Variants in CDIN1 observed in about 807,000 individuals in gnomAD.
CDIN1 encodes the protein CDAN1-interacting nuclease 1.
A neutral mutation model predicts 45.3 loss-of-function variants in CDIN1; 33 were observed. The observed-to-expected ratio is 0.73, with a 90% CI of 0.55 to 0.97. The LOEUF is 0.97. Among genes scored for constraint, CDIN1 ranks in the 50% least tolerant of loss-of-function variants. CDIN1 has a pLI of 0.00. For synonymous variants in CDIN1, 118 were observed against 124.4 expected (o/e 0.95, Z 0.34); for missense variants, 303 against 339.4 (o/e 0.89, Z 0.84).
chr15:36,740,595 A>G (rs1268247475), intron 10 of CDIN1, among the ~76,000 whole-genome samples: 4 of 152,158 alleles, frequency 2.6e-5, no homozygotes, highest in African/African-American at 9.7e-5. Context: ...GCTGAATATC[A>G]AAATTTTTAT....
chr15:36,656,983 A>T (rs2040809428), intron 4 of CDIN1, among the ~76,000 whole-genome samples: 1 of 152,192 alleles, frequency 6.6e-6, no homozygotes, highest in South Asian at 2.1e-4. Context: ...TATTGTTCTT[A>T]AAAATGTGTG....
intron 8 of CDIN1, chr15:36,701,930 C>T: frequency 4.9e-6 from 3 of 613,600 alleles, no homozygotes; most frequent in Non-Finnish European, 8.8e-6. Flanking sequence ...AGTTCATCTG[C>T]CCCTGCTGCT....
At chr15:36,585,785 TTG>T (rs1303365035) in intron 1 of CDIN1, among the ~76,000 whole-genome samples, 1 of 152,194 alleles carries the variant, frequency 6.6e-6, no homozygotes, top group Non-Finnish European at 1.5e-5. Flanking sequence ...GAAAATAATT[TTG>T]TGATATATGA....
intron 1 of CDIN1, among the ~76,000 whole-genome samples, chr15:36,620,088 T>A (rs1205875293): frequency 6.6e-6 from 1 of 152,072 alleles, no homozygotes; most frequent in East Asian, 1.9e-4. Context: ...GCGGTGGCTC[T>A]CGCCTGTAAT....
intron 1 of CDIN1, among the ~76,000 whole-genome samples, chr15:36,594,203 T>G (rs1415266984): frequency 6.6e-6 from 1 of 152,218 alleles, no homozygotes; most frequent in African/African-American, 2.4e-5. Flanking sequence ...TTAGACCTAC[T>G]TCAGTTAAAC....
At chr15:36,754,197 A>G (rs1302238855) in intron 10 of CDIN1, among the ~76,000 whole-genome samples, 1 of 152,156 alleles carries the variant, frequency 6.6e-6, no homozygotes, top group African/African-American at 2.4e-5. Flanking sequence ...ACCAGTCTTC[A>G]TAATGGAGGT....
In CDIN1 at chr15:36,709,346, AT is replaced by A. The variant is rs948905076; in HGVS notation, c.610+65del. The A allele has an allele frequency of 8.3e-6, 11 of 1,327,586 alleles. No homozygotes were observed. In the African/African-American group the frequency reaches 1.2e-4, roughly 14 times the overall value. The allele number at this position is 1,327,586 out of a possible 1,614,324, so 82.2% of individuals were successfully genotyped here. On this transcript the variant is annotated intron_variant, in intron 9 of 10. Transcript: ENST00000566621. ...TTAGAGAAAAGGGATGTATTTTTTA[AT>A]TTTTTTATGTTAATATTAGCTTTAT...
intron 10 of CDIN1, among the ~76,000 whole-genome samples, chr15:36,801,120 G>C (rs879517030): frequency 2.0e-5 from 3 of 151,006 alleles, no homozygotes; most frequent in Non-Finnish European, 4.4e-5. Flanking sequence ...CTTCAATTGA[G>C]AATTGTTTGT....
chr15:36,592,534 C>G (rs538189182), intron 1 of CDIN1, among the ~76,000 whole-genome samples: 7 of 152,230 alleles, frequency 4.6e-5, no homozygotes, highest in African/African-American at 1.7e-4. Flanking sequence ...AGCCTTTTTT[C>G]TGAAAGAGAC....
intron 4 of CDIN1, among the ~76,000 whole-genome samples, 187 bp downstream of exon 4, chr15:36,654,345 A>C (rs2040695043): frequency 6.6e-6 from 1 of 152,170 alleles, no homozygotes; most frequent in Admixed American, 6.5e-5. Flanking sequence ...ATATTAATAA[A>C]TCAGTTGACA....
At chr15:36,632,405 A>C (rs2039716362) in intron 1 of CDIN1, among the ~76,000 whole-genome samples, 1 of 152,168 alleles carries the variant, frequency 6.6e-6, no homozygotes, top group Non-Finnish European at 1.5e-5. Context: ...TACACTAACC[A>C]GAGAAGATGA....
intron 5 of CDIN1, among the ~76,000 whole-genome samples, chr15:36,689,542 T>G (rs1566902079): frequency 6.6e-6 from 1 of 152,198 alleles, no homozygotes; most frequent in African/African-American, 2.4e-5. Flanking sequence ...GTGTCTGCCA[T>G]TACCATGTGG....
chr15:36,662,862 T>TG (rs1384826997), intron 5 of CDIN1, among the ~76,000 whole-genome samples: 2 of 150,200 alleles, frequency 1.3e-5, no homozygotes, highest in Non-Finnish European at 1.5e-5. Flanking sequence ...TAGTTTTTTT[T>TG]TTTTTTTTTT....
At chr15:36,593,616 T>C (rs1263755670) in intron 1 of CDIN1, among the ~76,000 whole-genome samples, 1 of 152,174 alleles carries the variant, frequency 6.6e-6, no homozygotes, top group Non-Finnish European at 1.5e-5. Flanking sequence ...GAGGCTGGAG[T>C]GCAGTGGCGT....
At chr15:36,631,070 G>T (rs1403525942) in intron 1 of CDIN1, among the ~76,000 whole-genome samples, 1 of 152,146 alleles carries the variant, frequency 6.6e-6, no homozygotes, top group Non-Finnish European at 1.5e-5. Context: ...ATTTGCAAAA[G>T]AAAACTAGTA....
rs2042463266 is a variant in CDIN1 at position 36,697,249 on chromosome 15, G to C, written c.477-74G>C. ...CTAAGGGTGAAAATGGCTGCTCAAA[G>C]TATAGACCTGGTATTAGCGTTTTCC... On this transcript the variant is annotated intron_variant, in intron 7 of 10. Coordinates refer to ENST00000566621, the MANE Select transcript of CDIN1 (RefSeq NM_001321759.2). 4 of 1,288,222 alleles carry C rather than the reference G, an allele frequency of 3.1e-6. No homozygotes were observed. The South Asian group carries it at 3.6e-5, about 12-fold the overall frequency. 79.8% of individuals were successfully genotyped at this position (1,288,222 alleles called of 1,614,324 possible).
At chr15:36,778,462 C>T (rs1007177126) in intron 10 of CDIN1, among the ~76,000 whole-genome samples, 1 of 152,226 alleles carries the variant, frequency 6.6e-6, no homozygotes, top group African/African-American at 2.4e-5. Context: ...AGGCTCCCTT[C>T]CACATTCCTA....
At position 36,692,188 on chromosome 15, in the gene CDIN1, A is replaced by C. The variant is rs747502612; in HGVS notation, c.476+13A>C. On this transcript the variant is annotated intron_variant, in intron 7 of 10. Coordinates refer to ENST00000566621, the MANE Select transcript of CDIN1 (RefSeq NM_001321759.2). ...ACTGCATCAAGCAGTATCCTTTCCC[A>C]TAAAATTTTAGGTGCGCAATTGACG... 6.2e-7 allele frequency: 1 copy of C among 1,612,786 alleles called. No homozygotes were observed. The highest frequency in any genetic ancestry group is 8.5e-7 in the Non-Finnish European group (1 of 1,179,378).
intron 5 of CDIN1, among the ~76,000 whole-genome samples, chr15:36,690,631 A>G (rs1056581454): frequency 5.3e-5 from 8 of 152,126 alleles, no homozygotes; most frequent in Non-Finnish European, 1.2e-4. Flanking sequence ...ACATAATCTT[A>G]AAAGAAAACA....
Sources: allele counts gnomAD v4.1 joint callset (sites outside exome capture counted in the v4.1 genomes callset), GRCh38; gene constraint gnomAD v4.1.1; transcripts MANE v1.5; gene names NCBI Gene and HGNC (gene_info 2026-07-23, HGNC 2026-07-21).